Variants in PSPC1 observed in about 807,000 individuals in gnomAD.
The protein encoded by PSPC1 is paraspeckle protein 1.
PSPC1 carries 14 observed loss-of-function variants against 51.6 expected under a neutral mutation model. That is an observed-to-expected ratio of 0.27 (90% CI 0.18 to 0.42). The LOEUF is 0.42. Among genes scored for constraint, PSPC1 ranks in the 10% least tolerant of loss-of-function variants. The pLI is 1.00. For synonymous variants in PSPC1, 193 were observed against 231.9 expected (o/e 0.83, Z 1.53); for missense variants, 406 against 701.1 (o/e 0.58, Z 4.75).
At chr13:19,773,840 A>AT (rs1008395959) in intron 1 of PSPC1, among the ~76,000 whole-genome samples, 3 of 151,782 alleles carry the variant, frequency 2.0e-5, no homozygotes, top group African/African-American at 7.3e-5. Flanking sequence ...TTCTGTAGAG[A>AT]TGGGGGGGTC....
chr13:19,724,552 G>A (rs953235332), intron 6 of PSPC1, among the ~76,000 whole-genome samples: 4 of 152,176 alleles, frequency 2.6e-5, no homozygotes, highest in Admixed American at 6.5e-5. Context: ...TTCCTCTACT[G>A]ACTAGAACTA....
chr13:19,711,220 CA>C lies in PSPC1; in HGVS notation c.1159-1622del, dbSNP rs567776149. 1.1e-4 allele frequency among the ~76,000 whole-genome samples: 16 copies of C among 152,138 alleles called. No homozygotes were observed. In the South Asian group the frequency reaches 2.5e-3, roughly 24 times the overall value. Reference sequence around the variant, plus strand: ...ATTAATGGATACTATTGCTGACCTGCAAAAAAAGCTAGACTGAGGCGGGGTG... The same window carrying C: ...ATTAATGGATACTATTGCTGACCTGCAAAAAAGCTAGACTGAGGCGGGGTG... On this transcript the variant is annotated intron_variant, in intron 6 of 8. Coordinates refer to ENST00000338910, the MANE Select transcript of PSPC1 (RefSeq NM_001354909.2).
chr13:19,759,182 C>A, intron 3 of PSPC1, 141 bp downstream of exon 3: 1 of 626,428 alleles, frequency 1.6e-6, no homozygotes, highest in East Asian at 2.8e-5. Context: ...GAAAAGAAAA[C>A]TAGCATTCCA....
At chr13:19,753,629 T>G (rs1216082073) in intron 3 of PSPC1, among the ~76,000 whole-genome samples, 1 of 152,110 alleles carries the variant, frequency 6.6e-6, no homozygotes. Context: ...ACTCCATGAA[T>G]AAAAGCATAG....
chr13:19,713,044 A>G (rs1180952550), intron 6 of PSPC1, among the ~76,000 whole-genome samples: 11 of 152,200 alleles, frequency 7.2e-5, no homozygotes, highest in Non-Finnish European at 1.5e-4. Context: ...ATCAAATATT[A>G]ATAAGAATCA....
At chr13:19,715,296 G>T (rs1355043301) in intron 6 of PSPC1, among the ~76,000 whole-genome samples, 1 of 152,108 alleles carries the variant, frequency 6.6e-6, no homozygotes, top group Non-Finnish European at 1.5e-5. Context: ...TGAAAATATA[G>T]AACAGGAAGC....
chr13:19,767,934 C>G (rs1215082359), intron 2 of PSPC1, among the ~76,000 whole-genome samples: 1 of 152,110 alleles, frequency 6.6e-6, no homozygotes, highest in Non-Finnish European at 1.5e-5. Context: ...AGTTAAAAAA[C>G]TTTACAGATG....
intron 6 of PSPC1, among the ~76,000 whole-genome samples, chr13:19,728,038 G>T (rs1318105338): frequency 6.6e-6 from 1 of 152,056 alleles, no homozygotes; most frequent in Non-Finnish European, 1.5e-5. Context: ...AAATAAAACT[G>T]ACAACTGATA....
chr13:19,728,770 T>A (rs1057095746), intron 6 of PSPC1, among the ~76,000 whole-genome samples: 2 of 152,150 alleles, frequency 1.3e-5, no homozygotes, highest in Non-Finnish European at 2.9e-5. Context: ...AATAAACTTA[T>A]AGAACACTAG....
intron 1 of PSPC1, among the ~76,000 whole-genome samples, chr13:19,780,419 G>T (rs1268816349): frequency 4.2e-5 from 3 of 71,248 alleles, no homozygotes; most frequent in African/African-American, 1.1e-4. Context: ...TGCCGTGTCT[G>T]TGTAGAAAGA....
At chr13:19,738,557 T>C (rs1464041265) in intron 5 of PSPC1, among the ~76,000 whole-genome samples, 2 of 152,224 alleles carry the variant, frequency 1.3e-5, no homozygotes, top group African/African-American at 2.4e-5. Flanking sequence ...AGATTACTTA[T>C]AATACCTAAC....
chr13:19,697,289 C>T (rs529417650), intron 6 of PSPC1, among the ~76,000 whole-genome samples: 1 of 152,264 alleles, frequency 6.6e-6, no homozygotes, highest in African/African-American at 2.4e-5. Flanking sequence ...TAATGAGCCT[C>T]CCAGGTGATT....
chr13:19,758,268 G>GTGCCA (rs1267811198), intron 3 of PSPC1, among the ~76,000 whole-genome samples: 1 of 151,434 alleles, frequency 6.6e-6, no homozygotes, highest in Non-Finnish European at 1.5e-5. Flanking sequence ...AGCCGAGATC[G>GTGCCA]TGCCACTGCA....
intron 6 of PSPC1, among the ~76,000 whole-genome samples, chr13:19,689,246 G>A (rs967439787): frequency 2.0e-5 from 3 of 152,158 alleles, no homozygotes; most frequent in African/African-American, 7.2e-5. Context: ...GGCCTCCAGA[G>A]GGAAGCCTAG....
intron 8 of PSPC1, among the ~76,000 whole-genome samples, chr13:19,705,220 C>T (rs1404832973): frequency 6.6e-5 from 10 of 152,246 alleles, no homozygotes; most frequent in Non-Finnish European, 5.9e-5. Context: ...CTCAGCTGGA[C>T]GCGGTGGCTC....
chr13:19,736,411 C>G (rs894269717), intron 5 of PSPC1, among the ~76,000 whole-genome samples: 4 of 152,100 alleles, frequency 2.6e-5, no homozygotes, highest in African/African-American at 9.7e-5. Context: ...AGGCCACGCA[C>G]AGTGGCTCAA....
chr13:19,749,526 C>CA (rs777351117), intron 4 of PSPC1, among the ~76,000 whole-genome samples: 9,718 of 98,138 alleles, frequency 0.099, 458 homozygotes, highest in South Asian at 0.21. Flanking sequence ...GATTCTGTCT[C>CA]AAAAAAAAAA....
intron 2 of PSPC1, among the ~76,000 whole-genome samples, chr13:19,765,019 T>C (rs2138243336): frequency 6.6e-6 from 1 of 152,260 alleles, no homozygotes; most frequent in Non-Finnish European, 1.5e-5. Flanking sequence ...GAATCACCCT[T>C]ATAGACATGT....
intron 1 of PSPC1, among the ~76,000 whole-genome samples, chr13:19,774,028 A>G (rs1261997761): frequency 6.6e-6 from 1 of 152,202 alleles, no homozygotes; most frequent in African/African-American, 2.4e-5. Context: ...CATGAAGAGA[A>G]ACAAAGGCAA....
Sources: gnomAD v4.1 joint callset for allele counts (sites outside exome capture counted in the v4.1 genomes callset) on GRCh38, gnomAD v4.1.1 for gene constraint, MANE v1.5 for transcripts, NCBI Gene and HGNC (gene_info 2026-07-23, HGNC 2026-07-21) for gene names.